The following TRAPPC9 variants were observed in gnomAD, a reference collection of about 807,000 sequenced individuals.
TRAPPC9 encodes the protein IKK2 binding protein.
In TRAPPC9, 83 loss-of-function variants were observed where a neutral mutation model predicts 124.0. That is an observed-to-expected ratio of 0.67 (90% confidence interval 0.56 to 0.80). The LOEUF (loss-of-function observed/expected upper bound fraction) is 0.80, where lower values mean the gene tolerates loss of function less well. Ranked by LOEUF, TRAPPC9 falls within the 30% of genes least tolerant of loss-of-function variation. TRAPPC9 has a pLI of 0.00. For synonymous variants in TRAPPC9, 638 were observed against 617.5 expected, an observed-to-expected ratio of 1.03 and a Z score of -0.49; for missense variants, 1,302 against 1,508.3, an observed-to-expected ratio of 0.86 and a Z score of 2.27.
intron 19 of TRAPPC9, among the ~76,000 whole-genome samples, chr8:139,980,374 G>C (rs1218729146): frequency 6.6e-6 from 1 of 152,072 alleles, no homozygotes; most frequent in Non-Finnish European, 1.5e-5. Context: ...AGGCAAATGG[G>C]GCCCCAAATA....
At chr8:140,196,705 CACAA>C (rs1391572466) in intron 17 of TRAPPC9, among the ~76,000 whole-genome samples, 3 of 151,038 alleles carry the variant, frequency 2.0e-5, no homozygotes, top group Non-Finnish European at 4.4e-5. Context: ...ACACGTGTGA[CACAA>C]ACACACAACG....
chr8:139,857,017 C>T (rs1192312592), intron 21 of TRAPPC9, among the ~76,000 whole-genome samples: 1 of 151,550 alleles, frequency 6.6e-6, no homozygotes, highest in African/African-American at 2.4e-5. Flanking sequence ...TAAGGAGCAA[C>T]GGGACAGTCG....
At chr8:140,343,525 A>G (rs949464973) in intron 9 of TRAPPC9, among the ~76,000 whole-genome samples, 2 of 152,218 alleles carry the variant, frequency 1.3e-5, no homozygotes, top group Non-Finnish European at 2.9e-5. Flanking sequence ...TAGGGGTGAC[A>G]AGGCAGCAAA....
intron 21 of TRAPPC9, among the ~76,000 whole-genome samples, chr8:139,824,798 G>A (rs1383966767): frequency 6.6e-6 from 1 of 152,086 alleles, no homozygotes; most frequent in Non-Finnish European, 1.5e-5. Flanking sequence ...CCTGAGCTCA[G>A]GCAATTCACC....
chr8:140,451,289 C>G lies in TRAPPC9; in HGVS notation c.85G>C (p.Glu29Gln), dbSNP rs1160893707. ...VVQPVGIVSE[E>Q]NFFRIYKRIC... ...CTCTTATAGATCCTGAAGAAGTTCTCCTCGGAGACGATGCCCACAGGCTGG... is the reference window on the plus strand; with the variant it reads ...CTCTTATAGATCCTGAAGAAGTTCTGCTCGGAGACGATGCCCACAGGCTGG... The change falls in exon 2 of 23, where the codon GAG (glutamate) becomes CAG (glutamine). Residue 29 changes from glutamate to glutamine, a missense_variant. Around this residue, in one of 3 missense-constraint regions of TRAPPC9, gnomAD observed 657 missense variants for 811.2 expected, o/e 0.81. Coordinates refer to ENST00000438773, the MANE Select transcript of TRAPPC9 (RefSeq NM_001160372.4). 2 of 1,610,594 alleles carry G rather than the reference C, an allele frequency of 1.2e-6. No individual in the cohort carries two copies. The highest frequency in any genetic ancestry group is 2.7e-5 in the African/African-American group (2 of 74,944).
Position 140,434,670 on chromosome 8 carries a change from G to A in TRAPPC9, c.859+442C>T, listed in dbSNP as rs1032706343. Among the ~76,000 whole-genome samples the A allele has an allele frequency of 4.6e-5, 7 of 152,236 alleles. No individual in the cohort carries two copies. The South Asian group carries it at 8.3e-4, about 18-fold the overall frequency. On this transcript the variant is annotated intron_variant, in intron 4 of 22. Transcript: ENST00000438773. ...GTATTCAATAAAATCAGAACAAAAT[G>A]TCTCATACAAGATTTCTGGGCAGGG...
At chr8:140,294,459 T>C (rs1233679734) in intron 11 of TRAPPC9, among the ~76,000 whole-genome samples, 1 of 152,160 alleles carries the variant, frequency 6.6e-6, no homozygotes, top group Non-Finnish European at 1.5e-5. Flanking sequence ...GCTTGCCCTA[T>C]CATGGTCATG....
intron 17 of TRAPPC9, among the ~76,000 whole-genome samples, chr8:140,211,015 T>G (rs946126150): frequency 2.0e-5 from 3 of 151,832 alleles, no homozygotes; most frequent in South Asian, 4.2e-4. Flanking sequence ...TCCTAGGGTT[T>G]TTTTTTTTTT....
chr8:140,021,930 C>T (rs912620552), intron 18 of TRAPPC9, among the ~76,000 whole-genome samples: 1 of 152,148 alleles, frequency 6.6e-6, no homozygotes, highest in African/African-American at 2.4e-5. Flanking sequence ...TGTGCAGAAG[C>T]GCACTGGTGT....
chr8:140,142,850 C>T (rs1170689519), intron 17 of TRAPPC9, among the ~76,000 whole-genome samples: 1 of 151,328 alleles, frequency 6.6e-6, no homozygotes, highest in African/African-American at 2.4e-5. Context: ...ATGTAGAGAG[C>T]TGCTATAAGG....
chr8:139,898,155 T>C (rs921133936), intron 20 of TRAPPC9, among the ~76,000 whole-genome samples: 1 of 152,198 alleles, frequency 6.6e-6, no homozygotes, highest in East Asian at 1.9e-4. Flanking sequence ...AAGGGGCGGC[T>C]ACTTGCCCAG....
intron 19 of TRAPPC9, among the ~76,000 whole-genome samples, chr8:139,972,248 T>C (rs1295039062): frequency 6.6e-6 from 1 of 152,122 alleles, no homozygotes; most frequent in Non-Finnish European, 1.5e-5. Context: ...AGGAAACAAA[T>C]ACCTTTGACT....
At chr8:139,812,861 A>G (rs1407690386) in intron 21 of TRAPPC9, among the ~76,000 whole-genome samples, 1 of 152,214 alleles carries the variant, frequency 6.6e-6, no homozygotes, top group Non-Finnish European at 1.5e-5. Context: ...ATGGGGGAAA[A>G]CATAAGCTAC....
In TRAPPC9 at chr8:140,182,855, C is replaced by T. The variant is rs1035056067; in HGVS notation, c.2556+38604G>A. On this transcript the variant is annotated intron_variant, in intron 17 of 22. Transcript: ENST00000438773. The surrounding 1 kb of genome is among the most constrained non-coding windows in gnomAD (Gnocchi z 4.0). ...ATGCGTCCCCCAAACTGTGGCTCAACCACCAGCTTCCCAGTGCAGCCTTTC... is the reference window on the plus strand; with the variant it reads ...ATGCGTCCCCCAAACTGTGGCTCAATCACCAGCTTCCCAGTGCAGCCTTTC... Among the ~76,000 whole-genome samples the T allele has an allele frequency of 3.3e-5, 5 of 152,154 alleles. No homozygotes were observed. The highest frequency in any genetic ancestry group is 5.9e-5 in the Non-Finnish European group (4 of 68,022).
intron 17 of TRAPPC9, among the ~76,000 whole-genome samples, chr8:140,075,373 G>A (rs56990580): frequency 0.058 from 8,762 of 152,220 alleles, 373 homozygotes; most frequent in African/African-American, 0.11. Context: ...TGGTCATCAC[G>A]GAGTGAAGAC....
intron 21 of TRAPPC9, among the ~76,000 whole-genome samples, chr8:139,733,215 G>A (rs901149236): frequency 1.3e-5 from 2 of 152,168 alleles, no homozygotes; most frequent in Non-Finnish European, 2.9e-5. Flanking sequence ...AGAGGAGGAA[G>A]CACAGACAGA....
At chr8:140,398,812 G>GT (rs1345335926) in intron 6 of TRAPPC9, among the ~76,000 whole-genome samples, 1 of 152,262 alleles carries the variant, frequency 6.6e-6, no homozygotes, top group Non-Finnish European at 1.5e-5. Flanking sequence ...ATTTGCATAA[G>GT]TAAGAGGCAG....
intron 15 of TRAPPC9, among the ~76,000 whole-genome samples, chr8:140,268,971 T>C (rs1435905076): frequency 2.6e-5 from 4 of 151,916 alleles, no homozygotes; most frequent in African/African-American, 4.8e-5. Context: ...AAATGGAAAG[T>C]GTGGCTTGCC....
intron 16 of TRAPPC9, among the ~76,000 whole-genome samples, chr8:140,247,004 T>C (rs929457635): frequency 2.6e-5 from 4 of 152,146 alleles, no homozygotes; most frequent in African/African-American, 9.7e-5. Context: ...AAATTACTTT[T>C]GCATATGACT....
Sources: gnomAD v4.1 joint callset for allele counts (sites outside exome capture counted in the v4.1 genomes callset) on GRCh38, gnomAD v4.1.1 for gene constraint, gnomAD v4.1.1 regional missense constraint, Gnocchi (gnomAD v3.1) non-coding constraint, MANE v1.5 for transcripts, NCBI Gene and HGNC (gene_info 2026-07-23, HGNC 2026-07-21) for gene names.